UBR3: variants seen among roughly 807,000 people sequenced by gnomAD.
UBR3 encodes ubiquitin protein ligase E3 component n-recognin 3, also known as E3 ubiquitin-protein ligase UBR3.
Under a neutral mutation model 243.2 loss-of-function variants are expected in UBR3, and 85 were observed. The ratio of observed to expected loss-of-function variants is 0.35; its 90% CI spans 0.29 to 0.42. UBR3 has a LOEUF of 0.42. UBR3 is among the 10% of genes least tolerant of loss of function. UBR3 has a pLI of 1.00. For missense variants in UBR3, 1,686 were observed against 2,300.8 expected (o/e 0.73, Z 5.47); for synonymous variants, 748 against 799.8 (o/e 0.94, Z 1.09).
intron 24 of UBR3, among the ~76,000 whole-genome samples, chr2:169,967,758 T>C (rs1465905969): frequency 6.6e-6 from 1 of 152,182 alleles, no homozygotes; most frequent in African/African-American, 2.4e-5. Context: ...TAATACAGTT[T>C]AATTTGTGAT....
intron 28 of UBR3, 114 bp from the exon 29 acceptor site, chr2:170,008,690 T>C: frequency 1.7e-6 from 1 of 577,092 alleles, no homozygotes; most frequent in Non-Finnish European, 2.9e-6. Context: ...ATGTTCTGTT[T>C]TGACTTTTTA....
chr2:169,968,700 A>G (rs901101749), intron 24 of UBR3, among the ~76,000 whole-genome samples: 2 of 152,224 alleles, frequency 1.3e-5, no homozygotes, highest in African/African-American at 4.8e-5. Flanking sequence ...TTTTGAATAT[A>G]TACCCAGCAC....
At chr2:170,044,021 C>A (rs2091026554) in intron 32 of UBR3, among the ~76,000 whole-genome samples, 1 of 151,944 alleles carries the variant, frequency 6.6e-6, no homozygotes, top group African/African-American at 2.4e-5. Flanking sequence ...GCCTTTAATT[C>A]CTAGGAAGTT....
At position 170,061,354 on chromosome 2, in the gene UBR3, A is replaced by G. The variant is rs1380745932; in HGVS notation, c.4930A>G (p.Lys1644Glu). 1.2e-6 allele frequency: 2 copies of G among 1,614,066 alleles called. No individual in the cohort carries two copies. The highest frequency in any genetic ancestry group is 2.7e-5 in the African/African-American group (2 of 74,940). Residue 1644 changes from lysine (K) to glutamate (E), a missense_variant, in exon 35 of 39, where the codon AAA (lysine) becomes GAA (glutamate). Lys to Glu is a moderately conservative substitution (Grantham distance 56, BLOSUM62 1). Transcript: ENST00000272793. ...PIAWSPESMEKCLQDFCLPFL... is the reference protein window; with the variant it reads ...PIAWSPESMEECLQDFCLPFL... ...TGCTTGGTCTCCTGAATCCATGGAAAAATGCTTACAGGACTTCTGCTTACC... is the reference window on the plus strand; with the variant it reads ...TGCTTGGTCTCCTGAATCCATGGAAGAATGCTTACAGGACTTCTGCTTACC...
intron 24 of UBR3, among the ~76,000 whole-genome samples, chr2:169,976,693 C>T (rs2088463403): frequency 6.6e-6 from 1 of 152,108 alleles, no homozygotes; most frequent in Non-Finnish European, 1.5e-5. Flanking sequence ...AGAATTGTCT[C>T]TGTCTTTCAC....
At chr2:170,067,801 C>T (rs967881318) in intron 35 of UBR3, among the ~76,000 whole-genome samples, 4 of 147,610 alleles carry the variant, frequency 2.7e-5, no homozygotes, top group African/African-American at 1.0e-4. Context: ...AGACAGTTTC[C>T]CTCTGTTGCC....
intron 32 of UBR3, among the ~76,000 whole-genome samples, chr2:170,041,720 C>T (rs1337842618): frequency 6.6e-6 from 1 of 152,114 alleles, no homozygotes; most frequent in Non-Finnish European, 1.5e-5. Flanking sequence ...GTAGAATGAA[C>T]ATCTATGGGT....
intron 20 of UBR3, among the ~76,000 whole-genome samples, chr2:169,945,578 C>T (rs1347479714): frequency 6.6e-6 from 1 of 152,192 alleles, no homozygotes; most frequent in African/African-American, 2.4e-5. Flanking sequence ...TTCCTTTCAT[C>T]CTTTCCATCA....
intron 23 of UBR3, among the ~76,000 whole-genome samples, chr2:169,955,748 C>T (rs931986330): frequency 7.3e-6 from 1 of 137,458 alleles, no homozygotes; most frequent in African/African-American, 2.7e-5. Flanking sequence ...GACCTTAGAT[C>T]GTGCCACTGC....
intron 25 of UBR3, among the ~76,000 whole-genome samples, chr2:169,989,871 T>G (rs1220422361): frequency 2.0e-5 from 3 of 152,188 alleles, no homozygotes; most frequent in Non-Finnish European, 4.4e-5. Context: ...CACTGAGAGC[T>G]TATTCGAGTT....
At chr2:169,911,474 CAT>C (rs1041475541) in intron 10 of UBR3, among the ~76,000 whole-genome samples, 7 of 152,040 alleles carry the variant, frequency 4.6e-5, no homozygotes, top group African/African-American at 1.7e-4. Context: ...AACTGAGACT[CAT>C]AAAATTTAAG....
chr2:170,024,985 G>A (rs1183001915), intron 30 of UBR3, among the ~76,000 whole-genome samples: 2 of 152,156 alleles, frequency 1.3e-5, no homozygotes, highest in Admixed American at 1.3e-4. Flanking sequence ...GGAAGTGAAA[G>A]TAGGGCTGAT....
intron 10 of UBR3, among the ~76,000 whole-genome samples, chr2:169,907,128 C>T (rs989324391): frequency 6.6e-5 from 10 of 150,920 alleles, no homozygotes; most frequent in African/African-American, 2.4e-4. Context: ...CCTCCATCTC[C>T]CAGGTTTAAG....
intron 31 of UBR3, among the ~76,000 whole-genome samples, chr2:170,037,339 C>A (rs76601401): frequency 0.027 from 4,062 of 152,154 alleles, 80 homozygotes; most frequent in Non-Finnish European, 0.041. Context: ...TTGCTGTTCT[C>A]ACTTATTCTC....
Position 169,877,583 on chromosome 2 carries a change from C to T in UBR3, c.934C>T (p.Leu312Phe). The change falls in exon 4 of 39, where the codon CTT becomes TTT. Residue 312 changes from leucine (L) to phenylalanine (F), a missense_variant. By Grantham distance (22) the Leu-to-Phe change is conservative. Coordinates refer to ENST00000272793, the MANE Select transcript of UBR3 (RefSeq NM_172070.4). Reference protein sequence around the residue: ...SSGLTYPEDKLVYGVQEPSAG... With the variant: ...SSGLTYPEDKFVYGVQEPSAG... ...TGGACTTACATATCCTGAGGATAAGCTTGTATATGGTGTGCAGGAGCCATC... is the reference window on the plus strand; with the variant it reads ...TGGACTTACATATCCTGAGGATAAGTTTGTATATGGTGTGCAGGAGCCATC... The T allele has an allele frequency of 6.5e-7, 1 of 1,549,680 alleles. No homozygotes were observed. Among genetic ancestry groups the T allele is most frequent in the Admixed American group, 2.0e-5 (1 of 50,390 alleles).
intron 24 of UBR3, among the ~76,000 whole-genome samples, chr2:169,962,478 C>T (rs535375237): frequency 3.7e-4 from 56 of 152,204 alleles, no homozygotes; most frequent in South Asian, 8.3e-4. Flanking sequence ...CCCTCAGAAA[C>T]GGTTTGAGAT....
intron 22 of UBR3, among the ~76,000 whole-genome samples, chr2:169,949,179 T>A (rs1022760899): frequency 2.6e-5 from 4 of 152,070 alleles, no homozygotes; most frequent in Non-Finnish European, 4.4e-5. Flanking sequence ...AAAATTTTTT[T>A]AAAAACTAAT....
intron 31 of UBR3, among the ~76,000 whole-genome samples, chr2:170,031,440 T>C (rs1431590375): frequency 6.6e-6 from 1 of 152,178 alleles, no homozygotes; most frequent in East Asian, 1.9e-4. Flanking sequence ...CGCCTTCCTC[T>C]ACTCCCTAGT....
chr2:170,071,610 A>G (rs1356047111), intron 35 of UBR3, among the ~76,000 whole-genome samples: 1 of 152,204 alleles, frequency 6.6e-6, no homozygotes, highest in Non-Finnish European at 1.5e-5. Context: ...ATGTGGATTT[A>G]TAGCTCAGTA....
Sources: gnomAD v4.1 joint callset for allele counts (sites outside exome capture counted in the v4.1 genomes callset) on GRCh38, gnomAD v4.1.1 for gene constraint, MANE v1.5 for transcripts, NCBI Gene and HGNC (gene_info 2026-07-23, HGNC 2026-07-21) for gene names.